Variants in SYNE1 observed in about 807,000 individuals in gnomAD.
The protein encoded by SYNE1 is spectrin repeat containing nuclear envelope protein 1.
Under a neutral mutation model 1,111.0 loss-of-function variants are expected in SYNE1, and 616 were observed. The ratio of observed to expected loss-of-function variants is 0.55; its 90% CI spans 0.52 to 0.59. SYNE1 has a LOEUF of 0.59. SYNE1 is among the 20% of genes least tolerant of loss of function. The pLI, the probability that SYNE1 is intolerant of heterozygous loss-of-function variation, is 0.00. For synonymous variants in SYNE1, 3,855 were observed against 3,825.8 expected (o/e 1.01, Z -0.28); for missense variants, 10,006 against 10,417.0 (o/e 0.96, Z 1.72).
chr6:152,444,881 C>T (rs1453561402), intron 29 of SYNE1, among the ~76,000 whole-genome samples: 1 of 152,050 alleles, frequency 6.6e-6, no homozygotes, highest in Non-Finnish European at 1.5e-5. Flanking sequence ...TTGTACTCTT[C>T]GATCAAAACC....
At chr6:152,230,905 A>T (rs1311559421) in intron 114 of SYNE1, among the ~76,000 whole-genome samples, 2 of 152,132 alleles carry the variant, frequency 1.3e-5, no homozygotes, top group African/African-American at 4.8e-5. Context: ...CTTGAGCCAC[A>T]CATAAAATAA....
chr6:152,408,722 G>A (rs891590709), intron 44 of SYNE1, among the ~76,000 whole-genome samples: 4 of 152,196 alleles, frequency 2.6e-5, no homozygotes, highest in African/African-American at 9.7e-5. Context: ...GGGAGGCCAA[G>A]GCAGGCAGAT....
At chr6:152,436,930 C>CTGAG (rs2098479038) in intron 32 of SYNE1, among the ~76,000 whole-genome samples, 1 of 151,888 alleles carries the variant, frequency 6.6e-6, no homozygotes, top group Non-Finnish European at 1.5e-5. Context: ...TTTTGGGAGG[C>CTGAG]TGAGGCAGGA....
At chr6:152,279,264 C>T (rs574530313) in intron 97 of SYNE1, among the ~76,000 whole-genome samples, 1 of 136,122 alleles carries the variant, frequency 7.3e-6, no homozygotes, top group Non-Finnish European at 1.6e-5. Flanking sequence ...ACAAAAAAGA[C>T]TAAAAAAAAA....
chr6:152,430,591 G>A lies in SYNE1; in HGVS notation c.4580C>T (p.Thr1527Ile). The change falls in exon 35 of 146, where the codon ACA (threonine) becomes ATA (isoleucine). Residue 1527 changes from threonine to isoleucine, a missense_variant. By Grantham distance (89) the Thr-to-Ile change is moderately conservative. Transcript: ENST00000367255. The stretch of plus-strand genomic sequence containing the variant: ...CTCTTCCCCGTATCTTCTTATTTGT[G>A]TCAACTTGGCTTTAATTCGAGCAGA... ...GESARIKAKLTQIRRYGEELR... is the reference protein window; with the variant it reads ...GESARIKAKLIQIRRYGEELR... 1 of 1,614,096 alleles carries A rather than the reference G, an allele frequency of 6.2e-7. No homozygotes were observed. The highest frequency in any genetic ancestry group is 8.5e-7 in the Non-Finnish European group (1 of 1,180,004).
At position 152,381,242 on chromosome 6, in the gene SYNE1, C is replaced by T. The variant is rs1043548630; in HGVS notation, c.8773G>A (p.Ala2925Thr). The T allele has an allele frequency of 6.2e-7, 1 of 1,614,112 alleles. No homozygotes were observed. Among genetic ancestry groups the T allele is most frequent in the Non-Finnish European group, 8.5e-7 (1 of 1,180,056 alleles). Residue 2925 changes from alanine to threonine, a missense_variant, in exon 56 of 146, where the codon GCC (alanine) becomes ACC (threonine). By Grantham distance (58) the Ala-to-Thr change is moderately conservative. This residue lies in a region of SYNE1 where 4,955 missense variants were observed against 5,017.2 expected (regional missense o/e 0.99). Transcript: ENST00000367255. ...CACTGCTTCCAGTCGGCACGCAGGG[C>T]CTGCATCTCCGTGTGCATGAGCTCA... ...GCELMHTEMQ[A>T]LRADWKQWED...
In SYNE1 at chr6:152,125,524, G is replaced by A. The variant is rs1378690720; in HGVS notation, c.26154-2848C>T. Reference sequence around the variant, plus strand: ...GTTTGCCTTAAAGTGTCTTAAGAAGGATAGGATAGCTACCCACAAACTTTG... The same window carrying A: ...GTTTGCCTTAAAGTGTCTTAAGAAGAATAGGATAGCTACCCACAAACTTTG... On this transcript the variant is annotated intron_variant, in intron 145 of 145. Transcript: ENST00000367255. 5.8e-6 allele frequency: 5 copies of A among 869,492 alleles called. No homozygotes were observed. In the African/African-American group the frequency reaches 6.7e-5, roughly 12 times the overall value. The allele number at this position is 869,492 out of a possible 1,614,324, so 53.9% of individuals were successfully genotyped here. A position where few individuals can be genotyped will look rare whatever the true frequency, so the allele number is the denominator to read the frequency against.
chr6:152,462,412 T>C (rs1431587557), intron 20 of SYNE1: 1 of 435,204 alleles, frequency 2.3e-6, no homozygotes, highest in East Asian at 3.8e-5. Flanking sequence ...CCACAGTTCA[T>C]GCAATAAATC....
At chr6:152,443,931 G>C (rs978484072) in intron 30 of SYNE1, among the ~76,000 whole-genome samples, 1 of 152,054 alleles carries the variant, frequency 6.6e-6, no homozygotes, top group Non-Finnish European at 1.5e-5. Flanking sequence ...ATCTTTATAA[G>C]AGTGTACACT....
intron 139 of SYNE1, among the ~76,000 whole-genome samples, chr6:152,140,634 A>G (rs2058318187): frequency 6.6e-6 from 1 of 151,518 alleles, no homozygotes; most frequent in Non-Finnish European, 1.5e-5. Flanking sequence ...GTTGGAGTCT[A>G]GTTTGGGCAA....
chr6:152,236,047 T>C (rs2083954320), intron 110 of SYNE1, 60 bp downstream of exon 110: 18 of 1,566,652 alleles, frequency 1.1e-5, no homozygotes, highest in Non-Finnish European at 1.6e-5. Flanking sequence ...CCACCCGCAC[T>C]AGCCTTATTA....
chr6:152,353,204 G>A (rs1408181597), intron 69 of SYNE1, 59 bp downstream of exon 69: 2 of 1,594,250 alleles, frequency 1.3e-6, no homozygotes, highest in Non-Finnish European at 8.6e-7. Flanking sequence ...CTATGCAGGA[G>A]AATGGGGCAG....
At position 152,627,974 on chromosome 6, in the gene SYNE1, A is replaced by G. The variant is rs7765586; in HGVS notation, c.67+291T>C. 0.67 allele frequency among the ~76,000 whole-genome samples: 101,103 copies of G among 149,814 alleles called. 34,242 individuals carry two copies. Among genetic ancestry groups the G allele is most frequent in the Non-Finnish European group, 0.71 (47,680 of 67,630 alleles). On this transcript the variant is annotated intron_variant, in intron 3 of 145. Coordinates refer to ENST00000367255, the MANE Select transcript of SYNE1 (RefSeq NM_182961.4). The stretch of plus-strand genomic sequence containing the variant: ...TTGAACAACAGCAGCAGTACATTTG[A>G]CAATAACTCTTAATTCCCAACTGGA...
In SYNE1 at chr6:152,497,578, T is replaced by C. The variant is rs557498605; in HGVS notation, c.939+1164A>G. Among the ~76,000 whole-genome samples the C allele has an allele frequency of 7.2e-5, 11 of 152,288 alleles. No homozygotes were observed. The East Asian group carries it at 1.9e-3, about 27-fold the overall frequency. ...CCAACTTCTGGATTTAAAAAGCACT[T>C]GACTGCCCTGAAGAGGAGCTATTTG... is the stretch of plus-strand genomic sequence containing the variant. On this transcript the variant is annotated intron_variant, in intron 11 of 145. Coordinates refer to ENST00000367255, the MANE Select transcript of SYNE1 (RefSeq NM_182961.4).
chr6:152,367,751 T>G, intron 61 of SYNE1: 1 of 259,482 alleles, frequency 3.9e-6, no homozygotes, highest in Non-Finnish European at 7.5e-6. Context: ...TGACCTACAT[T>G]GTAGCCAGAG....
intron 3 of SYNE1, among the ~76,000 whole-genome samples, chr6:152,600,977 G>A (rs757903562): frequency 1.3e-5 from 2 of 152,190 alleles, no homozygotes. Context: ...AACATGCTGT[G>A]ATTCTTCCCA....
chr6:152,152,330 A>G (rs1563058518), intron 133 of SYNE1, among the ~76,000 whole-genome samples, 189 bp from the exon 134 acceptor site: 2 of 152,196 alleles, frequency 1.3e-5, no homozygotes, highest in African/African-American at 4.8e-5. Flanking sequence ...AACTTAAAGG[A>G]AAGGGAGAAT....
At chr6:152,453,382 A>G in intron 25 of SYNE1, 1 of 713,304 alleles carries the variant, frequency 1.4e-6, no homozygotes, top group East Asian at 2.6e-5. Context: ...GATAAAATTG[A>G]TGCTGATAAT....
At chr6:152,425,010 G>A (rs955787694) in intron 39 of SYNE1, among the ~76,000 whole-genome samples, 2 of 152,166 alleles carry the variant, frequency 1.3e-5, no homozygotes, top group Non-Finnish European at 2.9e-5. Flanking sequence ...AAATGGACTA[G>A]CATATGTGTA....
Sources: gnomAD v4.1 joint callset for allele counts (sites outside exome capture counted in the v4.1 genomes callset) on GRCh38, gnomAD v4.1.1 for gene constraint, gnomAD v4.1.1 regional missense constraint, MANE v1.5 for transcripts, NCBI Gene and HGNC (gene_info 2026-07-23, HGNC 2026-07-21) for gene names.